Variants in SEMA3A observed in about 807,000 individuals in gnomAD.
SEMA3A encodes the protein semaphorin 3A, also known as semaphorin-3A.
A neutral mutation model predicts 97.9 loss-of-function variants in SEMA3A; 29 were observed. The observed-to-expected ratio is 0.30, with a 90% CI of 0.22 to 0.40. The LOEUF (loss-of-function observed/expected upper bound fraction) is 0.40, where lower values mean the gene tolerates loss of function less well. Among genes scored for constraint, SEMA3A ranks in the 10% least tolerant of loss-of-function variants. The pLI is 1.00. For synonymous variants in SEMA3A, 321 were observed against 323.7 expected (o/e 0.99, Z 0.09); for missense variants, 763 against 951.3 (o/e 0.80, Z 2.60).
At chr7:84,305,938 G>C (rs1320474298) in intron 3 of SEMA3A, among the ~76,000 whole-genome samples, 1 of 151,256 alleles carries the variant, frequency 6.6e-6, no homozygotes, top group Non-Finnish European at 1.5e-5. Flanking sequence ...ATATATACAT[G>C]TATTAATTTA....
chr7:84,441,319 G>T (rs1176235063), intron 1 of SEMA3A, among the ~76,000 whole-genome samples: 5 of 151,582 alleles, frequency 3.3e-5, no homozygotes, highest in South Asian at 2.1e-4. Flanking sequence ...TGATGTATGA[G>T]CAAAATGGAA....
At chr7:84,065,022 A>G (rs1162202720) in intron 4 of SEMA3A, among the ~76,000 whole-genome samples, 1 of 151,968 alleles carries the variant, frequency 6.6e-6, no homozygotes, top group Non-Finnish European at 1.5e-5. Flanking sequence ...CTTGGAAGTG[A>G]AGCTCTCCTC....
At chr7:84,159,764 G>A (rs1796969397) in intron 1 of SEMA3A, among the ~76,000 whole-genome samples, 2 of 152,184 alleles carry the variant, frequency 1.3e-5, no homozygotes, top group South Asian at 2.1e-4. Flanking sequence ...CAGGATTAAT[G>A]CTTCTTATAA....
chr7:84,154,167 A>G (rs541616059), intron 1 of SEMA3A, among the ~76,000 whole-genome samples: 1 of 152,264 alleles, frequency 6.6e-6, no homozygotes, highest in East Asian at 1.9e-4. Flanking sequence ...AGTGCAACTT[A>G]ATTTTCAAGG....
intron 1 of SEMA3A, among the ~76,000 whole-genome samples, chr7:84,425,874 A>ACACC (rs71078828): frequency 6.7e-5 from 5 of 74,202 alleles, no homozygotes; most frequent in African/African-American, 5.5e-4. Flanking sequence ...ACACACACAC[A>ACACC]CACCCACACA....
chr7:84,467,967 T>C (rs1806049510), intron 1 of SEMA3A, among the ~76,000 whole-genome samples: 3 of 152,198 alleles, frequency 2.0e-5, no homozygotes, highest in East Asian at 1.9e-4. Context: ...AGACTGTTTT[T>C]ATTTATCAAG....
intron 1 of SEMA3A, among the ~76,000 whole-genome samples, chr7:84,400,639 G>A (rs183943489): frequency 6.6e-6 from 1 of 152,214 alleles, no homozygotes; most frequent in Admixed American, 6.5e-5. Context: ...CTAGAAAATA[G>A]CCTCAAAGGG....
At chr7:84,348,025 T>C (rs1802343460) in intron 2 of SEMA3A, among the ~76,000 whole-genome samples, 1 of 152,126 alleles carries the variant, frequency 6.6e-6, no homozygotes, top group African/African-American at 2.4e-5. Flanking sequence ...TGTTGATTAG[T>C]AGAAGTGGGT....
chr7:84,473,673 G>A (rs185106286), intron 1 of SEMA3A, among the ~76,000 whole-genome samples: 48 of 152,184 alleles, frequency 3.2e-4, no homozygotes, highest in East Asian at 1.9e-4. Flanking sequence ...ACAGGCATGA[G>A]CCACTGCTCC....
intron 3 of SEMA3A, among the ~76,000 whole-genome samples, chr7:84,278,100 T>C (rs1255566456): frequency 6.6e-6 from 1 of 152,146 alleles, no homozygotes; most frequent in Non-Finnish European, 1.5e-5. Flanking sequence ...TCCTAAGTAC[T>C]TTGTGGCTTA....
intron 1 of SEMA3A, among the ~76,000 whole-genome samples, chr7:84,453,239 CT>C (rs774894152): frequency 1.4e-3 from 184 of 128,876 alleles, no homozygotes; most frequent in Admixed American, 1.6e-3. Flanking sequence ...GACTTTGTTT[CT>C]TTTTTTTTTT....
At chr7:84,078,821 G>A (rs1794045202) in intron 4 of SEMA3A, among the ~76,000 whole-genome samples, 1 of 151,838 alleles carries the variant, frequency 6.6e-6, no homozygotes, top group Non-Finnish European at 1.5e-5. Context: ...AGAAAACCCT[G>A]ACTGTTTCAA....
intron 1 of SEMA3A, among the ~76,000 whole-genome samples, chr7:84,483,845 G>T (rs1806506104): frequency 6.6e-6 from 1 of 152,026 alleles, no homozygotes; most frequent in Non-Finnish European, 1.5e-5. Flanking sequence ...AGGAGTTCGA[G>T]ACCACCTGGA....
intron 1 of SEMA3A, among the ~76,000 whole-genome samples, chr7:84,478,831 T>A (rs1231781407): frequency 1.3e-5 from 2 of 152,030 alleles, no homozygotes; most frequent in Non-Finnish European, 2.9e-5. Flanking sequence ...TAACAATAAT[T>A]AAATCTTTTT....
intron 3 of SEMA3A, among the ~76,000 whole-genome samples, chr7:84,238,114 G>C (rs1799277707): frequency 6.6e-6 from 1 of 151,732 alleles, no homozygotes; most frequent in African/African-American, 2.4e-5. Flanking sequence ...CTGTCACCCA[G>C]ACTGGAGTGC....
At chr7:84,061,483 G>A (rs1024470968) in intron 4 of SEMA3A, among the ~76,000 whole-genome samples, 4 of 152,054 alleles carry the variant, frequency 2.6e-5, no homozygotes, top group African/African-American at 9.7e-5. Context: ...CAAGTGCCCT[G>A]GGAATTAATT....
chr7:84,174,927 A>T (rs574533591), intron 1 of SEMA3A, among the ~76,000 whole-genome samples: 7 of 152,236 alleles, frequency 4.6e-5, no homozygotes, highest in Non-Finnish European at 8.8e-5. Context: ...CAAATCTAAC[A>T]GCAGTAATTT....
Position 84,201,749 on chromosome 7 carries a change from C to T in SEMA3A, c.-82-7081G>A, listed in dbSNP as rs1672183715. On this transcript the variant is annotated intron_variant, in intron 3 of 3. Coordinates refer to the SEMA3A transcript ENST00000424555. ...ATTTTCCTTTTCCTGTTGTATCAAACAGAACAGAAATAACATCCAATATGT... is the reference window on the plus strand; with the variant it reads ...ATTTTCCTTTTCCTGTTGTATCAAATAGAACAGAAATAACATCCAATATGT... Among the ~76,000 whole-genome samples the T allele has an allele frequency of 3.3e-5, 5 of 152,090 alleles. No homozygotes were observed. The South Asian group carries it at 1.0e-3, about 31-fold the overall frequency.
At chr7:84,026,681 G>A (rs1051306536) in intron 6 of SEMA3A, among the ~76,000 whole-genome samples, 1 of 152,184 alleles carries the variant, frequency 6.6e-6, no homozygotes, top group Non-Finnish European at 1.5e-5. Context: ...AAAAAGGAAT[G>A]AGATCATGTC....
Sources: allele counts gnomAD v4.1 joint callset (sites outside exome capture counted in the v4.1 genomes callset), GRCh38; gene constraint gnomAD v4.1.1; transcripts MANE v1.5; gene names NCBI Gene and HGNC (gene_info 2026-07-23, HGNC 2026-07-21).